The following AGBL4 variants were observed in gnomAD, a reference collection of about 807,000 sequenced individuals.
The protein encoded by AGBL4 is AGBL carboxypeptidase 4.
AGBL4 carries 58 observed loss-of-function variants against 66.4 expected under a neutral mutation model. The ratio of observed to expected loss-of-function variants is 0.87; its 90% CI spans 0.71 to 1.09. The LOEUF is 1.09. Among genes scored for constraint, AGBL4 ranks in the 50% least tolerant of loss-of-function variants. The pLI, the probability that AGBL4 is intolerant of heterozygous loss-of-function variation, is 0.00. For synonymous variants in AGBL4, 234 were observed against 222.9 expected (o/e 1.05, Z -0.44); for missense variants, 579 against 631.0 (o/e 0.92, Z 0.88).
chr1:49,238,560 G>A (rs538424635), intron 4 of AGBL4, among the ~76,000 whole-genome samples: 45 of 152,300 alleles, frequency 3.0e-4, no homozygotes, highest in African/African-American at 9.6e-4. Context: ...CCAGCAGAAC[G>A]AAAGTCCTGT....
intron 3 of AGBL4, among the ~76,000 whole-genome samples, chr1:49,275,364 T>A (rs536667100): frequency 3.9e-5 from 6 of 152,122 alleles, no homozygotes; most frequent in Admixed American, 2.0e-4. Flanking sequence ...TGTACAGGTA[T>A]TACAGGCACA....
At chr1:49,118,042 C>T (rs556461550) in intron 4 of AGBL4, among the ~76,000 whole-genome samples, 3 of 152,250 alleles carry the variant, frequency 2.0e-5, no homozygotes, top group Admixed American at 6.5e-5. Context: ...TATAGGAATG[C>T]TTGTGATTTT....
chr1:49,710,037 C>T (rs1027434762), intron 2 of AGBL4, among the ~76,000 whole-genome samples: 1 of 152,142 alleles, frequency 6.6e-6, no homozygotes, highest in African/African-American at 2.4e-5. Flanking sequence ...TGTGGCAATT[C>T]CTCAAGGATC....
At chr1:49,473,574 C>T (rs1646789475) in intron 3 of AGBL4, among the ~76,000 whole-genome samples, 1 of 151,950 alleles carries the variant, frequency 6.6e-6, no homozygotes, top group African/African-American at 2.4e-5. Flanking sequence ...TTTTCTTATT[C>T]TGTAGGTTGT....
intron 2 of AGBL4, among the ~76,000 whole-genome samples, chr1:49,847,610 A>G (rs1005988254): frequency 3.9e-5 from 6 of 152,204 alleles, no homozygotes; most frequent in African/African-American, 1.4e-4. Flanking sequence ...GAACTCAAAC[A>G]ACAACCACAA....
intron 2 of AGBL4, among the ~76,000 whole-genome samples, chr1:49,724,836 AG>A (rs1330783449): frequency 6.6e-6 from 1 of 152,154 alleles, no homozygotes; most frequent in Non-Finnish European, 1.5e-5. Flanking sequence ...TCAGGAAGGT[AG>A]CTCTCACAAG....
intron 5 of AGBL4, among the ~76,000 whole-genome samples, chr1:48,868,458 T>C (rs1393298748): frequency 6.6e-6 from 1 of 152,190 alleles, no homozygotes; most frequent in African/African-American, 2.4e-5. Context: ...ACATGATATT[T>C]AGAGGGGAGA....
intron 1 of AGBL4, among the ~76,000 whole-genome samples, chr1:49,985,697 T>A (rs1659445824): frequency 6.6e-6 from 1 of 152,188 alleles, no homozygotes; most frequent in African/African-American, 2.4e-5. Flanking sequence ...CTTGTTTGAA[T>A]GCAGTATTTT....
rs573472859 is a variant in AGBL4 at position 49,835,399 on chromosome 1, CT to C, written c.157+15996del. Among the ~76,000 whole-genome samples, 7 of 152,054 alleles carry C rather than the reference CT, an allele frequency of 4.6e-5. No individual in the cohort carries two copies. In the South Asian group the frequency reaches 8.3e-4, roughly 18 times the overall value. The stretch of plus-strand genomic sequence containing the variant: ...TCTGAGACTGGGATTGCAACCCCTG[CT>C]TTTTTTTCCTATCCATTTGCTTGGT... On this transcript the variant is annotated intron_variant, in intron 2 of 13. Coordinates refer to ENST00000371839, the MANE Select transcript of AGBL4 (RefSeq NM_032785.4).
chr1:49,157,481 T>G (rs560747789), intron 4 of AGBL4, among the ~76,000 whole-genome samples: 1 of 152,194 alleles, frequency 6.6e-6, no homozygotes, highest in South Asian at 2.1e-4. Context: ...CAGTCTATCA[T>G]TGATGGGCAT....
intron 2 of AGBL4, among the ~76,000 whole-genome samples, chr1:49,786,297 T>G (rs1289392873): frequency 6.6e-6 from 1 of 152,140 alleles, no homozygotes; most frequent in Non-Finnish European, 1.5e-5. Flanking sequence ...CTTACGGTTA[T>G]GAGCTATCTA....
At chr1:49,793,306 A>C (rs1324510729) in intron 2 of AGBL4, among the ~76,000 whole-genome samples, 1 of 152,076 alleles carries the variant, frequency 6.6e-6, no homozygotes, top group Admixed American at 6.5e-5. Flanking sequence ...AAGTTTAAAC[A>C]GAATAGCATA....
chr1:49,708,633 A>G (rs746565494), intron 2 of AGBL4, among the ~76,000 whole-genome samples: 1 of 152,080 alleles, frequency 6.6e-6, no homozygotes, highest in Non-Finnish European at 1.5e-5. Context: ...GAGAGGAGAC[A>G]TTCAGTTTTT....
intron 5 of AGBL4, among the ~76,000 whole-genome samples, chr1:48,886,408 T>C (rs562267968): frequency 1.3e-5 from 2 of 152,300 alleles, no homozygotes; most frequent in South Asian, 4.1e-4. Context: ...CAGAGCTGAT[T>C]GTTTTGTCAC....
In AGBL4 at chr1:49,261,506, A is replaced by T. The variant is rs1337404146; in HGVS notation, c.283-15642T>A. On this transcript the variant is annotated intron_variant, in intron 3 of 13. Transcript: ENST00000371839. ...GTACAAAAATCACAAGCATTCTTATACACCAATAACAGACAAACAGAGAGC... is the reference window on the plus strand; with the variant it reads ...GTACAAAAATCACAAGCATTCTTATTCACCAATAACAGACAAACAGAGAGC... Among the ~76,000 whole-genome samples the T allele has an allele frequency of 1.2e-4, 18 of 149,750 alleles. No individual in the cohort carries two copies. The South Asian group carries it at 3.8e-3, about 32-fold the overall frequency.
intron 5 of AGBL4, among the ~76,000 whole-genome samples, chr1:48,879,272 AGTGTGT>A (rs71672631): frequency 6.7e-6 from 1 of 148,182 alleles, no homozygotes; most frequent in African/African-American, 2.5e-5. Flanking sequence ...GAGAGGGGTC[AGTGTGT>A]GTGTGTGTGT....
chr1:49,068,709 A>G (rs1447587350), intron 4 of AGBL4, among the ~76,000 whole-genome samples: 2 of 152,164 alleles, frequency 1.3e-5, no homozygotes, highest in African/African-American at 2.4e-5. Flanking sequence ...ATGTGTCTTT[A>G]TAGTAGAATG....
At chr1:48,648,173 C>T (rs556285029) in intron 8 of AGBL4, among the ~76,000 whole-genome samples, 61 of 152,278 alleles carry the variant, frequency 4.0e-4, no homozygotes, top group African/African-American at 1.4e-3. Context: ...TTCTTTTTAA[C>T]TTGTAAAATT....
intron 4 of AGBL4, among the ~76,000 whole-genome samples, chr1:49,080,018 T>C (rs967008517): frequency 6.6e-6 from 1 of 152,340 alleles, no homozygotes. Context: ...ACTGTGTTAA[T>C]TGCTTTACCC....
Sources: gnomAD v4.1 joint callset for allele counts (sites outside exome capture counted in the v4.1 genomes callset) on GRCh38, gnomAD v4.1.1 for gene constraint, MANE v1.5 for transcripts, NCBI Gene and HGNC (gene_info 2026-07-23, HGNC 2026-07-21) for gene names.